KRT73: variants seen among roughly 807,000 people sequenced by gnomAD.
KRT73 encodes keratin, type II cytoskeletal 73.
Under a neutral mutation model 47.2 loss-of-function variants are expected in KRT73, and 44 were observed. That is an observed-to-expected ratio of 0.93 (90% CI 0.73 to 1.20). The LOEUF is 1.20. Among genes scored for constraint, KRT73 ranks in the 50% most tolerant of loss-of-function variants. The pLI is 0.00. For synonymous variants in KRT73, 285 were observed against 291.3 expected, an observed-to-expected ratio of 0.98 and a Z score of 0.22; for missense variants, 713 against 704.5, an observed-to-expected ratio of 1.01 and a Z score of -0.14.
chr12:52,629,691 T>C, the KRT73 span, among the ~76,000 whole-genome samples: 1 of 152,202 alleles, frequency 6.6e-6, no homozygotes, highest in Non-Finnish European at 1.5e-5. Context: ...AGATTGCCTG[T>C]TCGCATGAAA....
intron 2 of KRT73, among the ~76,000 whole-genome samples, chr12:52,615,911 A>G (rs1940803931): frequency 6.6e-6 from 1 of 152,210 alleles, no homozygotes; most frequent in South Asian, 2.1e-4. Context: ...AGGCTGCGGC[A>G]CACACAATAC....
chr12:52,624,937 CAAAACAAAAAT>C, the KRT73 span, among the ~76,000 whole-genome samples: 34,465 of 151,610 alleles, frequency 0.23, 4,328 homozygotes, highest in East Asian at 0.49. Context: ...TACAAATAGG[CAAAACAAAAAT>C]AAAACAAAAA....
chr12:52,615,446 G>T (rs1361413607), intron 2 of KRT73, 107 bp from the exon 3 acceptor site: 1 of 872,234 alleles, frequency 1.1e-6, no homozygotes, highest in South Asian at 1.6e-5. Flanking sequence ...CCTTTTAAGA[G>T]GTATTATTCT....
upstream of KRT73, among the ~76,000 whole-genome samples, chr12:52,621,428 A>T (rs962881835): frequency 1.3e-5 from 2 of 152,178 alleles, no homozygotes; most frequent in African/African-American, 4.8e-5. Context: ...GATGAAGTAG[A>T]CATACTTTTC....
chr12:52,609,459 A>G (rs1186456234), intron 7 of KRT73, among the ~76,000 whole-genome samples, 178 bp from the exon 8 acceptor site: 2 of 151,964 alleles, frequency 1.3e-5, no homozygotes, highest in Non-Finnish European at 1.5e-5. Flanking sequence ...TCGCTCCTCA[A>G]TCTACTCTTC....
chr12:52,610,443 T>G lies in KRT73; in HGVS notation c.1331+172A>C, dbSNP rs1045220829. Reference sequence around the variant, plus strand: ...TTTCTCCAAAGAGTCAAAAGAGAACTGTAAAGGAAATTGCTGTCACATTAT... The same window carrying G: ...TTTCTCCAAAGAGTCAAAAGAGAACGGTAAAGGAAATTGCTGTCACATTAT... On this transcript the variant is annotated intron_variant, in intron 7 of 8. Coordinates refer to ENST00000305748, the MANE Select transcript of KRT73 (RefSeq NM_175068.3). 4 of 686,998 alleles carry G rather than the reference T, an allele frequency of 5.8e-6. No individual in the cohort carries two copies. In the African/African-American group the frequency reaches 7.1e-5, roughly 12 times the overall value. The allele number at this position is 686,998 out of a possible 1,614,324, so 42.6% of individuals were successfully genotyped here. A position where few individuals can be genotyped will look rare whatever the true frequency, so the allele number is the denominator to read the frequency against.
At chr12:52,622,765 C>T (rs919484667), upstream of KRT73, among the ~76,000 whole-genome samples, 11 of 152,098 alleles carry the variant, frequency 7.2e-5, no homozygotes, top group African/African-American at 2.4e-5. Flanking sequence ...GCGATCAGAC[C>T]CACATCCATC....
intron 5 of KRT73, chr12:52,612,279 T>C (rs1592243024): frequency 6.6e-6 from 1 of 152,348 alleles, no homozygotes; most frequent in Non-Finnish European, 1.5e-5. Flanking sequence ...CCACTAGCCA[T>C]GAATTTTAGG....
In KRT73 at chr12:52,611,287, G is replaced by T. The variant is rs144353604; in HGVS notation, c.1027C>A (p.Leu343Met). 1 of 1,614,118 alleles carries T rather than the reference G, an allele frequency of 6.2e-7. No homozygotes were observed. Among genetic ancestry groups the T allele is most frequent in the East Asian group, 2.2e-5 (1 of 44,872 alleles). ...QLAAGRHGDD[L>M]KHTKNEISEL... is the part of the protein sequence containing the mutation. The stretch of plus-strand genomic sequence containing the variant: ...GAGATCTCATTTTTGGTGTGTTTCA[G>T]GTCATCCCCATGCCGGCCGGCTGCT... Residue 343 changes from leucine (L) to methionine (M), a missense_variant, in exon 6 of 9, where the codon CTG becomes ATG. Physicochemically the swap from Leu to Met is conservative, Grantham distance 15. Coordinates refer to ENST00000305748, the MANE Select transcript of KRT73 (RefSeq NM_175068.3).
chr12:52,626,338 C>T, the KRT73 span, among the ~76,000 whole-genome samples: 1 of 152,338 alleles, frequency 6.6e-6, no homozygotes, highest in South Asian at 2.1e-4. Context: ...CTGCAGAGTC[C>T]ATCCTTTTAA....
At chr12:52,614,002 C>A in intron 4 of KRT73, 150 bp from the exon 5 acceptor site, 1 of 1,214,148 alleles carries the variant, frequency 8.2e-7, no homozygotes. Flanking sequence ...GCTCACAGCC[C>A]AGAGGTTCCA....
At chr12:52,615,367 AGT>A (rs2120874323) in intron 2 of KRT73, 28 bp from the exon 3 acceptor site, 6 of 1,593,834 alleles carry the variant, frequency 3.8e-6, no homozygotes, top group Middle Eastern at 1.7e-4. Context: ...CAGGAAGCAG[AGT>A]GTGTGTCTGT....
the KRT73 span, among the ~76,000 whole-genome samples, chr12:52,629,937 G>T: frequency 6.6e-6 from 1 of 152,024 alleles, no homozygotes; most frequent in African/African-American, 2.4e-5. Context: ...ACTCTCCCAG[G>T]CCCCTCAACC....
At chr12:52,615,187 C>A (rs747943378) in intron 3 of KRT73, 92 bp downstream of exon 3, 30 of 1,133,076 alleles carry the variant, frequency 2.6e-5, no homozygotes, top group Non-Finnish European at 3.7e-5. Context: ...GCTCCAGGCC[C>A]TTCTGCGGGG....
chr12:52,610,573 G>A (rs780450929), intron 7 of KRT73, 42 bp downstream of exon 7: 41 of 955,674 alleles, frequency 4.3e-5, no homozygotes, highest in South Asian at 3.7e-4. Flanking sequence ...AAACTTTAAG[G>A]TGGAGACTTG....
Position 52,618,078 on chromosome 12 carries a change from C to T in KRT73, c.447G>A (p.Lys149=). ...LNNKFASFID[K]VRFLEQQNQV... ...ATCAGCTTTCTCCAGAAAGACCCAC[C>T]TTGTCAATGAAGGAGGCGAACTTGT... The change falls in exon 1 of 9, where the codon AAG becomes AAA. Residue 149 remains lysine (K), a splice_region_variant and synonymous_variant. Transcript: ENST00000305748. The T allele has an allele frequency of 6.2e-7, 1 of 1,613,416 alleles. No individual in the cohort carries two copies. Among genetic ancestry groups the T allele is most frequent in the Non-Finnish European group, 8.5e-7 (1 of 1,179,762 alleles).
At chr12:52,614,371 G>C in intron 4 of KRT73, 1 of 504,306 alleles carries the variant, frequency 2.0e-6, no homozygotes, top group Non-Finnish European at 3.5e-6. Flanking sequence ...TTTCCTGGAG[G>C]AAGTGAAAGC....
chr12:52,616,528 C>A (rs749881564), intron 1 of KRT73, 148 bp from the exon 2 acceptor site: 14 of 932,148 alleles, frequency 1.5e-5, no homozygotes, highest in Non-Finnish European at 1.9e-5. Context: ...ACTCACACCC[C>A]CACTCCTTAC....
At chr12:52,619,177 T>C (rs1328825836), upstream of KRT73, among the ~76,000 whole-genome samples, 1 of 152,244 alleles carries the variant, frequency 6.6e-6, no homozygotes, top group Non-Finnish European at 1.5e-5. Flanking sequence ...CCTGCTCACC[T>C]TCCTTTGCAC....
Sources: allele counts gnomAD v4.1 joint callset (sites outside exome capture counted in the v4.1 genomes callset), GRCh38; gene constraint gnomAD v4.1.1; transcripts MANE v1.5; gene names NCBI Gene and HGNC (gene_info 2026-07-23, HGNC 2026-07-21).